PRKG1: variants seen among roughly 807,000 people sequenced by gnomAD.
PRKG1 encodes the protein protein kinase cGMP-dependent 1.
In PRKG1, 35 loss-of-function variants were observed where a neutral mutation model predicts 88.1. The ratio of observed to expected loss-of-function variants is 0.40; its 90% CI spans 0.30 to 0.53. The LOEUF (loss-of-function observed/expected upper bound fraction) is 0.53. Ranked by LOEUF, PRKG1 falls within the 20% of genes least tolerant of loss-of-function variation. The probability of loss-of-function intolerance (pLI) is 0.59; values close to 1 mark genes in which losing one functional copy is unlikely to be tolerated. For missense variants in PRKG1, 540 were observed against 839.8 expected, an observed-to-expected ratio of 0.64 and a Z score of 4.41; for synonymous variants, 303 against 292.5, an observed-to-expected ratio of 1.04 and a Z score of -0.37.
At chr10:51,928,857 A>G (rs1168189962) in intron 5 of PRKG1, among the ~76,000 whole-genome samples, 1 of 152,178 alleles carries the variant, frequency 6.6e-6, no homozygotes, top group Non-Finnish European at 1.5e-5. Flanking sequence ...TCGCAATTAT[A>G]TATAGTAGTC....
At chr10:51,493,032 A>G (rs1436075288) in intron 3 of PRKG1, among the ~76,000 whole-genome samples, 2 of 152,100 alleles carry the variant, frequency 1.3e-5, no homozygotes, top group Non-Finnish European at 2.9e-5. Flanking sequence ...TCCCTAAGAA[A>G]TAGCTCCCAT....
intron 3 of PRKG1, among the ~76,000 whole-genome samples, chr10:51,766,925 C>T (rs567299661): frequency 5.9e-5 from 9 of 152,084 alleles, no homozygotes; most frequent in African/African-American, 9.7e-5. Context: ...CCTGCTCTGC[C>T]GGAAGCCTGC....
chr10:51,471,163 T>C (rs1308718450), intron 3 of PRKG1, among the ~76,000 whole-genome samples: 1 of 118,266 alleles, frequency 8.5e-6, no homozygotes, highest in Non-Finnish European at 1.9e-5. Context: ...TGTTCATGGC[T>C]TAATAGCCTC....
rs117948661 is a variant in PRKG1, at chr10:51,235,713, A to G, written c.478+82383A>G. Among the ~76,000 whole-genome samples the G allele has an allele frequency of 2.6e-4, 39 of 152,318 alleles. No homozygotes were observed. In the East Asian group the frequency reaches 7.3e-3, roughly 29 times the overall value. On this transcript the variant is annotated intron_variant, in intron 2 of 17. Transcript: ENST00000373980. ...AGTGACAGGGAGAGATGAAAATGAA[A>G]AGGATAAAACCATTTAAAAATTAAA...
chr10:51,686,798 C>A (rs1841004922), intron 3 of PRKG1, among the ~76,000 whole-genome samples: 1 of 152,130 alleles, frequency 6.6e-6, no homozygotes, highest in South Asian at 2.1e-4. Context: ...TGCAGTGGTG[C>A]AATCTTGGCT....
intron 3 of PRKG1, among the ~76,000 whole-genome samples, chr10:51,722,067 T>A (rs1842026760): frequency 6.6e-6 from 1 of 152,098 alleles, no homozygotes; most frequent in Non-Finnish European, 1.5e-5. Context: ...TTGTCTCTAC[T>A]GAAAACACAA....
intron 1 of PRKG1, among the ~76,000 whole-genome samples, chr10:51,144,705 G>A (rs1268937208): frequency 6.6e-6 from 1 of 152,124 alleles, no homozygotes; most frequent in Non-Finnish European, 1.5e-5. Flanking sequence ...AATGTCTAAT[G>A]TATTAAAGCC....
At chr10:51,287,992 A>G (rs187145636) in intron 2 of PRKG1, among the ~76,000 whole-genome samples, 3 of 152,252 alleles carry the variant, frequency 2.0e-5, no homozygotes, top group African/African-American at 7.2e-5. Flanking sequence ...GATCCTATGT[A>G]TTTTGTACCC....
chr10:51,374,340 G>A (rs1295124754), intron 2 of PRKG1, among the ~76,000 whole-genome samples: 6 of 150,334 alleles, frequency 4.0e-5, no homozygotes, highest in East Asian at 2.0e-4. Context: ...GAGAACATGC[G>A]GTGTTTGGTT....
intron 3 of PRKG1, among the ~76,000 whole-genome samples, chr10:51,571,816 A>G (rs7924188): frequency 0.14 from 21,488 of 151,816 alleles, 1,637 homozygotes; most frequent in African/African-American, 0.19. Context: ...CCTTAATCAG[A>G]TGATGTAAGA....
chr10:51,764,351 G>T (rs12249380), intron 3 of PRKG1, among the ~76,000 whole-genome samples: 3,416 of 152,064 alleles, frequency 0.022, 125 homozygotes, highest in African/African-American at 0.078. Flanking sequence ...AGATCCTCAT[G>T]CCCTGACTTT....
intron 2 of PRKG1, among the ~76,000 whole-genome samples, chr10:51,198,913 A>G (rs1837842432): frequency 6.6e-6 from 1 of 152,214 alleles, no homozygotes; most frequent in Admixed American, 6.5e-5. Context: ...CCACAAAAAT[A>G]TCAAGAATCA....
chr10:52,111,692 C>G (rs1847568196), intron 7 of PRKG1, among the ~76,000 whole-genome samples: 1 of 152,138 alleles, frequency 6.6e-6, no homozygotes. Flanking sequence ...ACTGAAGTTT[C>G]CTGGAGACAC....
intron 2 of PRKG1, among the ~76,000 whole-genome samples, chr10:51,424,912 T>A (rs1838530360): frequency 6.6e-6 from 1 of 152,178 alleles, no homozygotes; most frequent in African/African-American, 2.4e-5. Flanking sequence ...CCATAAGGAA[T>A]GCGGATATAC....
chr10:51,879,171 T>C (rs1162707929), intron 4 of PRKG1, among the ~76,000 whole-genome samples: 2 of 152,250 alleles, frequency 1.3e-5, no homozygotes, highest in Non-Finnish European at 2.9e-5. Flanking sequence ...AGTGGACTTC[T>C]GTGACATGAT....
chr10:51,927,260 G>A lies in PRKG1; in HGVS notation c.762+19690G>A, dbSNP rs11000163. On this transcript the variant is annotated intron_variant, in intron 5 of 17. Coordinates refer to ENST00000373980, the MANE Select transcript of PRKG1 (RefSeq NM_006258.4). Reference sequence around the variant, plus strand: ...TCTTGTGGTAGTGACTGTGTCTCACGAGATCTGATGATTTTATAAGGGGTT... The same window carrying A: ...TCTTGTGGTAGTGACTGTGTCTCACAAGATCTGATGATTTTATAAGGGGTT... 6.3e-3 allele frequency among the ~76,000 whole-genome samples: 954 copies of A among 152,192 alleles called. 25 individuals are homozygous for A. The highest frequency in any genetic ancestry group is 0.039 in the East Asian group (203 of 5,166).
chr10:51,280,433 G>A (rs913537009), intron 2 of PRKG1, among the ~76,000 whole-genome samples: 4 of 152,186 alleles, frequency 2.6e-5, no homozygotes, highest in Non-Finnish European at 4.4e-5. Context: ...CTAGGTTGGG[G>A]AAGTTCTCCT....
intron 9 of PRKG1, among the ~76,000 whole-genome samples, chr10:52,162,723 C>T (rs1348817472): frequency 2.0e-5 from 3 of 152,086 alleles, no homozygotes; most frequent in East Asian, 3.9e-4. Context: ...ATGTATTTTG[C>T]TTTGAGAATC....
rs185975351 is a variant in PRKG1, at chr10:51,974,718, C to T, written c.762+67148C>T. Among the ~76,000 whole-genome samples the T allele has an allele frequency of 3.5e-3, 535 of 152,152 alleles. 1 individual carries two copies. Among genetic ancestry groups the T allele is most frequent in the Middle Eastern group, 6.8e-3 (2 of 292 alleles). The stretch of plus-strand genomic sequence containing the variant: ...CTTCTCCAGAAATTTTTCTGACTTC[C>T]GCATTTGCATAATGCATATCATTTT... On this transcript the variant is annotated intron_variant, in intron 5 of 17. Coordinates refer to ENST00000373980, the MANE Select transcript of PRKG1 (RefSeq NM_006258.4).
Sources: gnomAD v4.1 joint callset for allele counts (sites outside exome capture counted in the v4.1 genomes callset) on GRCh38, gnomAD v4.1.1 for gene constraint, MANE v1.5 for transcripts, NCBI Gene and HGNC (gene_info 2026-07-23, HGNC 2026-07-21) for gene names.